IQSEC2: variants seen among roughly 807,000 people sequenced by gnomAD.
IQSEC2 encodes the protein IQ motif and Sec7 domain ArfGEF 2.
Under a neutral mutation model 74.6 loss-of-function variants are expected in IQSEC2, and 6 were observed. The ratio of observed to expected loss-of-function variants is 0.08; its 90% CI spans 0.04 to 0.16. IQSEC2 has a LOEUF of 0.16. Ranked by LOEUF, IQSEC2 falls within the 10% of genes least tolerant of loss-of-function variation. The pLI is 1.00. For missense variants in IQSEC2, 734 were observed against 1,306.2 expected, an observed-to-expected ratio of 0.56 and a Z score of 6.75; for synonymous variants, 494 against 544.5, an observed-to-expected ratio of 0.91 and a Z score of 1.29.
At chrX:53,255,705 T>A (rs1480930083) in intron 3 of IQSEC2, 95 bp downstream of exon 3, 39 of 1,051,373 alleles carry the variant, frequency 3.7e-5, no homozygotes. Context: ...TCATTATCCC[T>A]CCCTGATACC....
chrX:53,309,941 T>G (rs1190004115), intron 1 of IQSEC2, among the ~76,000 whole-genome samples: 2 of 111,638 alleles, frequency 1.8e-5, no homozygotes, highest in Non-Finnish European at 3.8e-5. Context: ...AAGCAAAGCT[T>G]TGATTCGTTA....
intron 1 of IQSEC2, among the ~76,000 whole-genome samples, chrX:53,316,649 C>T (rs1365146135): frequency 9.0e-6 from 1 of 110,734 alleles, no homozygotes; most frequent in Admixed American, 9.6e-5. Context: ...AGAGAGACCC[C>T]GTCTCTGCTT....
intron 2 of IQSEC2, among the ~76,000 whole-genome samples, chrX:53,276,257 A>T (rs1556869548): frequency 8.9e-6 from 1 of 112,262 alleles, no homozygotes; most frequent in Non-Finnish European, 1.9e-5. Flanking sequence ...TTTTCTATAG[A>T]GAAGTATTTC....
At chrX:53,307,487 G>C (rs1208608476) in intron 1 of IQSEC2, among the ~76,000 whole-genome samples, 2 of 108,500 alleles carry the variant, frequency 1.8e-5, no homozygotes, top group Non-Finnish European at 3.8e-5. Flanking sequence ...AAAATAGAAA[G>C]TATGAGAGAA....
intron 2 of IQSEC2, among the ~76,000 whole-genome samples, chrX:53,283,214 C>T (rs189908497): frequency 5.6e-4 from 62 of 111,650 alleles, no homozygotes; most frequent in Non-Finnish European, 9.4e-5. Context: ...AGACCCTGTA[C>T]AAAAGAAAAA....
chrX:53,246,179 G>T (rs377391766), intron 8 of IQSEC2, among the ~76,000 whole-genome samples: 31 of 111,762 alleles, frequency 2.8e-4, no homozygotes, highest in African/African-American at 1.0e-3. Context: ...GTTCCCTAAA[G>T]AAAATAAATG....
rs1184228072 is a variant in IQSEC2, at chrX:53,291,782, G to GC, written c.737+112dup. On this transcript the variant is annotated intron_variant, in intron 2 of 14. Coordinates refer to ENST00000642864, the MANE Select transcript of IQSEC2 (RefSeq NM_001111125.3). ...CACCCCTAATACCAACAGGGAAGAC[G>GC]CCCTTGAGTTGGCCCCTCCCCTTGC... 9.7e-6 allele frequency: 6 copies of GC among 618,210 alleles called. No individual in the cohort carries two copies. In the East Asian group the frequency reaches 2.3e-4, roughly 23 times the overall value. 50.9% of individuals were successfully genotyped at this position (618,210 alleles called of 1,213,427 possible). A position where few individuals can be genotyped will look rare whatever the true frequency, so the allele number is the denominator to read the frequency against.
At chrX:53,261,060 G>A (rs896542488) in intron 2 of IQSEC2, among the ~76,000 whole-genome samples, 12 of 110,847 alleles carry the variant, frequency 1.1e-4, no homozygotes, top group African/African-American at 3.9e-4. Flanking sequence ...TCCCACAAGG[G>A]AGCCTGGCAA....
At chrX:53,275,065 G>C (rs1265790102) in intron 2 of IQSEC2, among the ~76,000 whole-genome samples, 1 of 111,820 alleles carries the variant, frequency 8.9e-6, no homozygotes, top group Admixed American at 9.5e-5. Flanking sequence ...TACTCTTTAT[G>C]TTATAGCTTA....
Position 53,254,839 on chromosome X carries a change from G to A in IQSEC2, c.1092C>T (p.Asn364=). 3 of 1,209,129 alleles carry A rather than the reference G, an allele frequency of 2.5e-6. No individual in the cohort carries two copies. The highest frequency in any genetic ancestry group is 3.4e-6 in the Non-Finnish European group (3 of 894,100). Residue 364 remains asparagine, a synonymous_variant, in exon 4 of 15, where the codon AAC becomes AAT. Transcript: ENST00000642864. ...AGCTGCGTAGCCGCTCAAAGTTCTT[G>A]TTCATGCGGTACTGGCGGAAGGCTG... is the stretch of plus-strand genomic sequence containing the variant. ...IQTAFRQYRM[N]KNFERLRSSA... is the part of the protein sequence containing the mutation.
chrX:53,261,043 C>G lies in IQSEC2; in HGVS notation c.738-4982G>C, dbSNP rs1056341463. Among the ~76,000 whole-genome samples the G allele has an allele frequency of 1.6e-4, 18 of 110,612 alleles. 1 individual carries two copies. The highest frequency in any genetic ancestry group is 3.3e-5 in the African/African-American group (1 of 30,295). ...AGTGGCAGGGAGATCAGGCTGTCAG[C>G]ACAGCCTCCCACAAGGGAGCCTGGC... is the stretch of plus-strand genomic sequence containing the variant. On this transcript the variant is annotated intron_variant, in intron 2 of 14. Transcript: ENST00000642864.
intron 1 of IQSEC2, among the ~76,000 whole-genome samples, chrX:53,318,490 G>A (rs1319039398): frequency 8.9e-6 from 1 of 111,961 alleles, no homozygotes; most frequent in Non-Finnish European, 1.9e-5. Context: ...AGGGTGGAGA[G>A]CCAGAGTCAT....
intron 5 of IQSEC2, among the ~76,000 whole-genome samples, chrX:53,249,810 C>T (rs2074358076): frequency 8.9e-6 from 1 of 111,778 alleles, no homozygotes; most frequent in South Asian, 3.7e-4. Flanking sequence ...CACCACCCTG[C>T]CCCCAACACC....
At chrX:53,284,550 G>C (rs911223533) in intron 2 of IQSEC2, among the ~76,000 whole-genome samples, 6 of 111,523 alleles carry the variant, frequency 5.4e-5, no homozygotes, top group Non-Finnish European at 1.9e-5. Flanking sequence ...AAGTCAGCTA[G>C]ATGTTGTGCC....
At position 53,279,416 on chromosome X, in the gene IQSEC2, C is replaced by T. The variant is rs781919825; in HGVS notation, c.737+12479G>A. ...CCAAATGTCCTCTTTGGTCTGCTGA[C>T]CTGATCTTCCAGGCACTCTCCTCAT... On this transcript the variant is annotated intron_variant, in intron 2 of 14. Transcript: ENST00000642864. The T allele has an allele frequency of 3.0e-5, 13 of 432,227 alleles. No homozygotes were observed. The East Asian group carries it at 3.7e-4, about 12-fold the overall frequency. 35.6% of individuals were successfully genotyped at this position (432,227 alleles called of 1,213,427 possible).
chrX:53,264,099 C>G (rs782546465), intron 2 of IQSEC2, among the ~76,000 whole-genome samples: 2 of 112,455 alleles, frequency 1.8e-5, no homozygotes, highest in African/African-American at 6.5e-5. Flanking sequence ...ATTACATCCA[C>G]CAGACACAGA....
At chrX:53,257,723 T>G (rs1170879533) in intron 2 of IQSEC2, among the ~76,000 whole-genome samples, 1 of 112,359 alleles carries the variant, frequency 8.9e-6, no homozygotes, top group African/African-American at 3.2e-5. Context: ...TTCTCCAAGA[T>G]ACAACAGCTA....
intron 1 of IQSEC2, among the ~76,000 whole-genome samples, chrX:53,315,009 GA>G (rs782204957): frequency 5.9e-4 from 66 of 111,949 alleles, no homozygotes; most frequent in African/African-American, 2.0e-3. Context: ...CATAGGTTTG[GA>G]AGCCAGACAG....
chrX:53,280,084 T>A (rs925923398), intron 2 of IQSEC2, among the ~76,000 whole-genome samples: 3 of 105,229 alleles, frequency 2.9e-5, no homozygotes, highest in African/African-American at 1.1e-4. Flanking sequence ...GTGTTCCAGG[T>A]GACTCCGTGG....
Sources: gnomAD v4.1 joint callset for allele counts (sites outside exome capture counted in the v4.1 genomes callset) on GRCh38, gnomAD v4.1.1 for gene constraint, MANE v1.5 for transcripts, NCBI Gene and HGNC (gene_info 2026-07-23, HGNC 2026-07-21) for gene names.